Variants in SRFBP1 observed in about 807,000 individuals in gnomAD.
SRFBP1 encodes the protein serum response factor binding protein 1, also known as serum response factor-binding protein 1.
SRFBP1 carries 47 observed loss-of-function variants against 45.5 expected under a neutral mutation model. The observed-to-expected ratio is 1.03, with a 90% CI of 0.82 to 1.32. SRFBP1 has a LOEUF of 1.32. Among genes scored for constraint, SRFBP1 ranks in the 40% most tolerant of loss-of-function variants. The pLI is 0.00. For missense variants in SRFBP1, 621 were observed against 484.6 expected, an observed-to-expected ratio of 1.28 and a Z score of -2.64; for synonymous variants, 203 against 166.3, an observed-to-expected ratio of 1.22 and a Z score of -1.70.
intron 4 of SRFBP1, among the ~76,000 whole-genome samples, chr5:122,011,187 G>A (rs1056331005): frequency 2.6e-5 from 4 of 152,086 alleles, no homozygotes; most frequent in African/African-American, 9.7e-5. Flanking sequence ...TTTCAAAGAA[G>A]AGATCTTTTT....
chr5:121,974,091 G>A (rs940945650), intron 1 of SRFBP1, 105 bp from the exon 2 acceptor site: 1 of 685,928 alleles, frequency 1.5e-6, no homozygotes, highest in Middle Eastern at 3.2e-4. Flanking sequence ...GACAATAAAA[G>A]TAGTTAAAGT....
chr5:122,068,143 C>G (rs57483119), intron 2 of SRFBP1, among the ~76,000 whole-genome samples: 17,488 of 134,400 alleles, frequency 0.13, 1,125 homozygotes, highest in South Asian at 0.15. Flanking sequence ...TTCAACCACT[C>G]TTGAAGTTTG....
At chr5:121,996,088 G>A (rs1483973159) in intron 4 of SRFBP1, among the ~76,000 whole-genome samples, 1 of 149,498 alleles carries the variant, frequency 6.7e-6, no homozygotes, top group East Asian at 2.0e-4. Flanking sequence ...AGAGGTACAA[G>A]GAGGAACTGG....
At chr5:121,981,088 A>G (rs1269970262) in intron 3 of SRFBP1, among the ~76,000 whole-genome samples, 2 of 152,090 alleles carry the variant, frequency 1.3e-5, no homozygotes, top group Admixed American at 6.6e-5. Context: ...TTTACTCTCT[A>G]ATATCTTCAG....
chr5:122,036,332 A>G (rs984523512), intron 2 of SRFBP1, among the ~76,000 whole-genome samples: 3 of 151,242 alleles, frequency 2.0e-5, no homozygotes, highest in African/African-American at 7.3e-5. Context: ...TATGTGACTG[A>G]CCCCCCCATT....
At chr5:122,071,650 A>C (rs1754456074) in intron 2 of SRFBP1, among the ~76,000 whole-genome samples, 1 of 152,210 alleles carries the variant, frequency 6.6e-6, no homozygotes, top group Non-Finnish European at 1.5e-5. Flanking sequence ...AGTTCTTCAC[A>C]AAAAGTTTTA....
intron 3 of SRFBP1, among the ~76,000 whole-genome samples, chr5:121,981,837 C>G (rs935894934): frequency 1.3e-5 from 2 of 151,930 alleles, no homozygotes; most frequent in Admixed American, 1.3e-4. Flanking sequence ...CATGCCATTC[C>G]TGCTGCTTAG....
chr5:122,072,696 A>G (rs1580562260), intron 2 of SRFBP1, among the ~76,000 whole-genome samples: 2 of 152,210 alleles, frequency 1.3e-5, no homozygotes, highest in South Asian at 4.1e-4. Context: ...AAATCGCTCA[A>G]TGCAAGATTT....
At chr5:121,972,691 C>G (rs1752224105) in intron 1 of SRFBP1, among the ~76,000 whole-genome samples, 1 of 151,562 alleles carries the variant, frequency 6.6e-6, no homozygotes, top group African/African-American at 2.4e-5. Flanking sequence ...GATTGGTGGT[C>G]CTAATGAAGT....
At chr5:121,994,503 A>T in intron 3 of SRFBP1, 96 bp from the exon 4 acceptor site, 2 of 736,790 alleles carry the variant, frequency 2.7e-6, no homozygotes, top group South Asian at 3.7e-5. Context: ...TTAAGATGTT[A>T]TTTAATATTA....
intron 4 of SRFBP1, among the ~76,000 whole-genome samples, chr5:121,998,231 C>T (rs548791495): frequency 4.0e-5 from 6 of 151,884 alleles, no homozygotes; most frequent in South Asian, 2.1e-4. Context: ...TTTATTGTGG[C>T]GTTATTCGCA....
chr5:121,997,284 C>T (rs1032150413), intron 4 of SRFBP1, among the ~76,000 whole-genome samples: 22 of 147,348 alleles, frequency 1.5e-4, no homozygotes, highest in African/African-American at 2.3e-4. Flanking sequence ...GCTACAGTAA[C>T]CAAAACAGCA....
chr5:121,964,870 T>G (rs1256857618), intron 1 of SRFBP1, among the ~76,000 whole-genome samples: 1 of 152,200 alleles, frequency 6.6e-6, no homozygotes, highest in Non-Finnish European at 1.5e-5. Context: ...TCCTGACTTT[T>G]TAATGATCGC....
Position 121,961,981 on chromosome 5 carries a change from T to C in SRFBP1, c.-52T>C. The C allele has an allele frequency of 6.2e-7, 1 of 1,612,492 alleles. No individual in the cohort carries two copies. The highest frequency in any genetic ancestry group is 8.5e-7 in the Non-Finnish European group (1 of 1,179,156). On this transcript the variant is annotated 5_prime_UTR_variant, in exon 1 of 8. Transcript: ENST00000339397. The stretch of plus-strand genomic sequence containing the variant: ...GGGGCGTGGCGACGCAGCCGCGGTC[T>C]GAGAGACCGGTTCACGTGCAGGCAG...
chr5:121,991,243 T>G (rs750787364), intron 3 of SRFBP1, among the ~76,000 whole-genome samples: 3 of 152,202 alleles, frequency 2.0e-5, no homozygotes, highest in Non-Finnish European at 4.4e-5. Flanking sequence ...ATGTAATTTA[T>G]ATGTTCTTAA....
At chr5:122,015,840 C>T (rs1753184404) in intron 4 of SRFBP1, among the ~76,000 whole-genome samples, 1 of 152,182 alleles carries the variant, frequency 6.6e-6, no homozygotes, top group Admixed American at 6.5e-5. Context: ...ATTTTAAGCA[C>T]TAGCTATTAA....
At chr5:121,988,972 T>G (rs1360827820) in intron 3 of SRFBP1, among the ~76,000 whole-genome samples, 1 of 152,228 alleles carries the variant, frequency 6.6e-6, no homozygotes, top group African/African-American at 2.4e-5. Flanking sequence ...GCAGAATATT[T>G]AGAGTATTTG....
At chr5:122,073,539 T>C (rs949440666) in intron 2 of SRFBP1, among the ~76,000 whole-genome samples, 5 of 152,100 alleles carry the variant, frequency 3.3e-5, no homozygotes, top group African/African-American at 1.2e-4. Context: ...GTTTCACAGG[T>C]GAAAAAACAG....
chr5:122,013,087 C>T (rs1274677838), intron 4 of SRFBP1, among the ~76,000 whole-genome samples: 5 of 152,060 alleles, frequency 3.3e-5, no homozygotes, highest in Non-Finnish European at 7.4e-5. Flanking sequence ...GCATTTTAGT[C>T]CCTCTTCAAA....
Sources: gnomAD v4.1 joint callset for allele counts (sites outside exome capture counted in the v4.1 genomes callset) on GRCh38, gnomAD v4.1.1 for gene constraint, MANE v1.5 for transcripts, NCBI Gene and HGNC (gene_info 2026-07-23, HGNC 2026-07-21) for gene names.